Variants in STEEP1 observed in about 807,000 individuals in gnomAD.
STEEP1 encodes the protein STING1 ER exit protein 1.
A neutral mutation model predicts 19.2 loss-of-function variants in STEEP1; 3 were observed. The observed-to-expected ratio is 0.16, with a 90% CI of 0.07 to 0.40. The LOEUF is 0.40. Among genes scored for constraint, STEEP1 ranks in the 10% least tolerant of loss-of-function variants. STEEP1 has a pLI of 0.99. For synonymous variants in STEEP1, 46 were observed against 63.7 expected (o/e 0.72, Z 1.32); for missense variants, 54 against 177.1 (o/e 0.30, Z 3.94).
intron 2 of STEEP1, among the ~76,000 whole-genome samples, chrX:119,547,392 T>C (rs920129848): frequency 4.5e-5 from 5 of 112,357 alleles, no homozygotes; most frequent in Non-Finnish European, 9.4e-5. Flanking sequence ...ACCAATATAC[T>C]GAGAGTTCCT....
chrX:119,542,686 G>A, intron 4 of STEEP1, 92 bp from the exon 5 acceptor site: 1 of 564,761 alleles, frequency 1.8e-6, no homozygotes, highest in Middle Eastern at 3.4e-4. Flanking sequence ...GTGAGGGGCT[G>A]TGGGTATTGG....
chrX:119,539,665 A>G lies in STEEP1; in HGVS notation c.*62T>C, dbSNP rs2053150094. 7 of 925,716 alleles carry G rather than the reference A, an allele frequency of 7.6e-6. No individual in the cohort carries two copies. The South Asian group carries it at 1.5e-4, about 19-fold the overall frequency. 76.3% of individuals were successfully genotyped at this position (925,716 alleles called of 1,213,427 possible). A position where few individuals can be genotyped will look rare whatever the true frequency, so the allele number is the denominator to read the frequency against. On this transcript the variant is annotated 3_prime_UTR_variant, in exon 7 of 7. Transcript: ENST00000644802. ...ATAGGAATCCGTCTATGTAATCAAG[A>G]AATTACTTTGCCTCCTGATCTAAAT... is the stretch of plus-strand genomic sequence containing the variant.
In STEEP1 at chrX:119,548,532, C is replaced by CA. The variant is rs59210283; in HGVS notation, c.243-3029dup. On this transcript the variant is annotated intron_variant, in intron 2 of 6. Transcript: ENST00000644802. ...CTGGTGACAGAGTAAGACTCTGTCT[C>CA]AAAAAAAAAAAAAAAAAAAAAAAAG... 6.2e-3 allele frequency among the ~76,000 whole-genome samples: 295 copies of CA among 47,913 alleles called. 7 individuals are homozygous for CA. The highest frequency in any genetic ancestry group is 8.7e-3 in the Non-Finnish European group (245 of 28,045). 41.6% of individuals were successfully genotyped at this position (47,913 alleles called of 115,157 possible).
chrX:119,560,778 C>T (rs1296265050), intron 1 of STEEP1, among the ~76,000 whole-genome samples: 1 of 111,493 alleles, frequency 9.0e-6, no homozygotes, highest in Non-Finnish European at 1.9e-5. Flanking sequence ...GAGACACAAT[C>T]AAGCATACTG....
chrX:119,543,915 T>C (rs2053182538), intron 4 of STEEP1, among the ~76,000 whole-genome samples: 1 of 112,418 alleles, frequency 8.9e-6, no homozygotes, highest in Non-Finnish European at 1.9e-5. Flanking sequence ...AACCATACAA[T>C]TTCTAACCTT....
At chrX:119,558,043 A>C (rs2053293787) in intron 2 of STEEP1, among the ~76,000 whole-genome samples, 2 of 110,384 alleles carry the variant, frequency 1.8e-5, no homozygotes, top group Non-Finnish European at 3.8e-5. Flanking sequence ...AGTAGCTGGG[A>C]TTACAGGCAC....
chrX:119,563,206 G>C (rs973187145), intron 1 of STEEP1, among the ~76,000 whole-genome samples: 2 of 111,843 alleles, frequency 1.8e-5, no homozygotes, highest in African/African-American at 6.5e-5. Context: ...AGAGACTATT[G>C]TGCCAATCCA....
intron 2 of STEEP1, among the ~76,000 whole-genome samples, chrX:119,551,942 C>T (rs2053245306): frequency 9.3e-6 from 1 of 107,175 alleles, no homozygotes; most frequent in Admixed American, 1.0e-4. Flanking sequence ...CACTCTGTGA[C>T]CCAGATTGGA....
intron 4 of STEEP1, among the ~76,000 whole-genome samples, chrX:119,543,857 A>ATC (rs1222574970): frequency 8.9e-6 from 1 of 112,378 alleles, no homozygotes; most frequent in East Asian, 2.8e-4. Flanking sequence ...AACACATGAT[A>ATC]TCTCTCCATA....
chrX:119,545,998 G>T (rs779324508), intron 2 of STEEP1, among the ~76,000 whole-genome samples: 10 of 110,825 alleles, frequency 9.0e-5, no homozygotes, highest in African/African-American at 3.3e-4. Context: ...TACAGGTCAG[G>T]TATCTCCCTG....
intron 1 of STEEP1, among the ~76,000 whole-genome samples, chrX:119,561,674 A>AG (rs1421934587): frequency 2.0e-5 from 2 of 101,157 alleles, no homozygotes; most frequent in East Asian, 5.6e-4. Context: ...GTCTCTCAAA[A>AG]GAAAAAAAAA....
At position 119,539,628 on chromosome X, in the gene STEEP1, G is replaced by C. The variant is rs2053149603; in HGVS notation, c.*99C>G. 3 of 620,822 alleles carry C rather than the reference G, an allele frequency of 4.8e-6. No individual in the cohort carries two copies. In the Admixed American group the frequency reaches 8.7e-5, roughly 18 times the overall value. The allele number at this position is 620,822 out of a possible 1,213,427, so 51.2% of individuals were successfully genotyped here. On this transcript the variant is annotated 3_prime_UTR_variant, in exon 7 of 7. Transcript: ENST00000644802. ...AATGGGAAACAACGTAAAGCCTTCT[G>C]CTAGGGCATAAATAGGAATCCGTCT...
chrX:119,562,905 A>C (rs1180081590), intron 1 of STEEP1, among the ~76,000 whole-genome samples: 1 of 111,400 alleles, frequency 9.0e-6, no homozygotes, highest in Non-Finnish European at 1.9e-5. Context: ...GAATGAAGTA[A>C]GGGAGGGATT....
At chrX:119,557,112 C>T (rs1298960055) in intron 2 of STEEP1, among the ~76,000 whole-genome samples, 1 of 87,844 alleles carries the variant, frequency 1.1e-5, no homozygotes, top group Non-Finnish European at 2.1e-5. Context: ...GCTGAGATCG[C>T]ATCACTGCAC....
intron 4 of STEEP1, 58 bp from the exon 5 acceptor site, chrX:119,542,652 G>A (rs751898969): frequency 4.4e-5 from 37 of 845,723 alleles, no homozygotes; most frequent in East Asian, 2.5e-4. Flanking sequence ...TCCATGAGCC[G>A]TGAGTGTGTG....
In STEEP1 at chrX:119,565,235, G is replaced by C; in HGVS notation, c.121C>G (p.Leu41Val). The C allele has an allele frequency of 8.3e-7, 1 of 1,207,897 alleles. No individual in the cohort carries two copies. Among genetic ancestry groups the C allele is most frequent in the Non-Finnish European group, 1.1e-6 (1 of 893,247 alleles). Residue 41 changes from leucine to valine, a missense_variant, in exon 1 of 7, where the codon CTG becomes GTG. By Grantham distance (32) the Leu-to-Val change is conservative. Transcript: ENST00000644802. ...CCCGCAGTTCCCGGCTACTCACCCA[G>C]CACTAGGACCATCTGGCCGCACAAA... ...YCLCGQMVLVLDCQLEKLPMR... is the reference protein window; with the variant it reads ...YCLCGQMVLVVDCQLEKLPMR...
At chrX:119,553,345 T>C (rs1169351030) in intron 2 of STEEP1, among the ~76,000 whole-genome samples, 3 of 111,752 alleles carry the variant, frequency 2.7e-5, no homozygotes, top group Admixed American at 9.6e-5. Context: ...CCTTTAGCTA[T>C]ACTGGATGTT....
chrX:119,556,873 G>A (rs1296297426), intron 2 of STEEP1, among the ~76,000 whole-genome samples: 1 of 110,738 alleles, frequency 9.0e-6, no homozygotes, highest in Non-Finnish European at 1.9e-5. Context: ...GGTCAGAACC[G>A]CATGGAATAC....
intron 4 of STEEP1, 40 bp downstream of exon 4, chrX:119,544,313 T>C: frequency 8.8e-7 from 1 of 1,142,242 alleles, no homozygotes; most frequent in Non-Finnish European, 1.2e-6. Flanking sequence ...GAGCTAAATC[T>C]AGAGCTATAT....
Sources: allele counts gnomAD v4.1 joint callset (sites outside exome capture counted in the v4.1 genomes callset), GRCh38; gene constraint gnomAD v4.1.1; transcripts MANE v1.5; gene names NCBI Gene and HGNC (gene_info 2026-07-23, HGNC 2026-07-21).